The following FER variants were observed in gnomAD, a reference collection of about 807,000 sequenced individuals.
FER encodes tyrosine-protein kinase Fer.
A neutral mutation model predicts 111.0 loss-of-function variants in FER; 63 were observed. The observed-to-expected ratio is 0.57, with a 90% CI of 0.46 to 0.70. The LOEUF is 0.70. FER is among the 30% of genes least tolerant of loss of function. FER has a pLI of 0.00. For synonymous variants in FER, 327 were observed against 313.9 expected, an observed-to-expected ratio of 1.04 and a Z score of -0.44; for missense variants, 914 against 954.0, an observed-to-expected ratio of 0.96 and a Z score of 0.55.
chr5:109,183,773 TG>T (rs987556968), intron 18 of FER, among the ~76,000 whole-genome samples: 4 of 151,788 alleles, frequency 2.6e-5, no homozygotes, highest in Non-Finnish European at 1.5e-5. Flanking sequence ...TCAAGAAAAG[TG>T]GGGGGTGGGG....
chr5:108,852,993 G>A (rs1762674022), intron 5 of FER, among the ~76,000 whole-genome samples: 1 of 151,936 alleles, frequency 6.6e-6, no homozygotes, highest in Non-Finnish European at 1.5e-5. Flanking sequence ...AGTAAACAAA[G>A]CTAAGTTCTA....
intron 1 of FER, among the ~76,000 whole-genome samples, chr5:108,764,852 T>G (rs1240862253): frequency 1.3e-5 from 2 of 152,198 alleles, no homozygotes; most frequent in African/African-American, 4.8e-5. Flanking sequence ...GAGCCAGGAC[T>G]AGGGTAAGGC....
chr5:109,037,417 T>C lies in FER; in HGVS notation c.1657-5T>C. On this transcript the variant is annotated splice_region_variant and splice_polypyrimidine_tract_variant and intron_variant, in intron 13 of 19. Transcript: ENST00000281092. ...CTAAACAACTGTTCTTATTCTTTGCTGTAGGACAAGAAATGGATTCTCAGT... is the reference window on the plus strand; with the variant it reads ...CTAAACAACTGTTCTTATTCTTTGCCGTAGGACAAGAAATGGATTCTCAGT... The C allele has an allele frequency of 6.2e-7, 1 of 1,610,986 alleles. No homozygotes were observed.
chr5:108,848,735 A>C (rs999128472), intron 5 of FER, among the ~76,000 whole-genome samples: 1 of 152,012 alleles, frequency 6.6e-6, no homozygotes, highest in African/African-American at 2.4e-5. Context: ...TATTTCATAT[A>C]TTTATCCAAG....
chr5:108,788,549 C>A (rs1472524354), intron 2 of FER, among the ~76,000 whole-genome samples: 5 of 138,402 alleles, frequency 3.6e-5, no homozygotes, highest in African/African-American at 1.4e-4. Flanking sequence ...TTTTTTTTTC[C>A]CTCCTGATGC....
At chr5:108,962,421 G>A (rs1171321648) in intron 13 of FER, among the ~76,000 whole-genome samples, 1 of 152,114 alleles carries the variant, frequency 6.6e-6, no homozygotes, top group East Asian at 1.9e-4. Context: ...AACACATCAA[G>A]CCCTTTTGCT....
At chr5:108,869,694 A>G (rs981432781) in intron 6 of FER, among the ~76,000 whole-genome samples, 1 of 152,120 alleles carries the variant, frequency 6.6e-6, no homozygotes, top group Non-Finnish European at 1.5e-5. Flanking sequence ...TCTGTTTTAC[A>G]TACAAATATT....
At chr5:108,912,255 A>C (rs1288716634) in intron 10 of FER, among the ~76,000 whole-genome samples, 1 of 152,224 alleles carries the variant, frequency 6.6e-6, no homozygotes, top group African/African-American at 2.4e-5. Context: ...ATTTAAAGTC[A>C]GGTAATATGA....
Position 109,022,369 on chromosome 5 carries a change from C to T in FER, c.1657-15053C>T, listed in dbSNP as rs559333824. On this transcript the variant is annotated intron_variant, in intron 13 of 19. Transcript: ENST00000281092. ...ACCACATACTAGGCTACATGAGGAGCATAAAGGAACCAGGAATGGGAAGAG... is the reference window on the plus strand; with the variant it reads ...ACCACATACTAGGCTACATGAGGAGTATAAAGGAACCAGGAATGGGAAGAG... 4.6e-5 allele frequency among the ~76,000 whole-genome samples: 7 copies of T among 152,042 alleles called. No homozygotes were observed. The South Asian group carries it at 1.5e-3, about 32-fold the overall frequency.
At chr5:109,121,261 A>G (rs187707952) in intron 17 of FER, among the ~76,000 whole-genome samples, 118 of 152,222 alleles carry the variant, frequency 7.8e-4, no homozygotes, top group South Asian at 2.7e-3. Context: ...ATGTTGAGGT[A>G]TGTTTCTTCT....
At chr5:108,823,087 G>C (rs957018264) in intron 3 of FER, among the ~76,000 whole-genome samples, 1 of 152,184 alleles carries the variant, frequency 6.6e-6, no homozygotes, top group African/African-American at 2.4e-5. Context: ...GGCCAGGCTT[G>C]GACTTCTGAC....
intron 5 of FER, among the ~76,000 whole-genome samples, chr5:108,843,858 T>G (rs542868259): frequency 1.7e-4 from 26 of 152,186 alleles, no homozygotes; most frequent in Non-Finnish European, 3.4e-4. Context: ...ATCAAATTTT[T>G]ACCTAATTAA....
rs111617492 is a variant in FER, at chr5:109,148,325, T to C, written c.2049-32422T>C. On this transcript the variant is annotated intron_variant, in intron 17 of 19. Transcript: ENST00000281092. ...ACTTTAAGCATAAGTCTCATAAATT[T>C]GGTTTTCAGGTTCTCATAGATTTTA... is the stretch of plus-strand genomic sequence containing the variant. Among the ~76,000 whole-genome samples the C allele has an allele frequency of 4.7e-3, 719 of 152,262 alleles. 3 individuals carry two copies. Among genetic ancestry groups the C allele is most frequent in the South Asian group, 6.6e-3 (32 of 4,828 alleles).
At chr5:108,997,975 A>C (rs150206711) in intron 13 of FER, among the ~76,000 whole-genome samples, 1,782 of 151,876 alleles carry the variant, frequency 0.012, 17 homozygotes, top group Non-Finnish European at 0.02. Flanking sequence ...AATGGTGGAC[A>C]CCTTACCCCA....
rs963962979 is a variant in FER, at chr5:109,189,114, T to C, written c.*1539T>C. ...CAAGCAGAGTGCTGAAGATGTCTCA[T>C]GTGAATAAAATGTAACTCACTCACT... On this transcript the variant is annotated 3_prime_UTR_variant, in exon 20 of 20. Transcript: ENST00000281092. The C allele has an allele frequency of 6.6e-6, 1 of 152,246 alleles. No individual in the cohort carries two copies. Among genetic ancestry groups the C allele is most frequent in the South Asian group, 2.1e-4 (1 of 4,834 alleles). 9.4% of individuals were successfully genotyped at this position (152,246 alleles called of 1,614,324 possible). A position where few individuals can be genotyped will look rare whatever the true frequency, so the allele number is the denominator to read the frequency against.
intron 13 of FER, among the ~76,000 whole-genome samples, chr5:109,001,580 G>C (rs942519769): frequency 2.0e-5 from 3 of 152,116 alleles, no homozygotes; most frequent in East Asian, 1.9e-4. Context: ...GCACAAGACA[G>C]GGATGCCCTC....
At chr5:108,867,477 C>T (rs1764181108) in intron 5 of FER, among the ~76,000 whole-genome samples, 1 of 152,012 alleles carries the variant, frequency 6.6e-6, no homozygotes, top group South Asian at 2.1e-4. Flanking sequence ...TTGGTATAAG[C>T]TTCTTGAAGA....
At position 109,194,369 on chromosome 5, in the gene FER, C is replaced by T. The variant is rs1047752084; in HGVS notation, c.*6794C>T. The T allele has an allele frequency of 3.9e-5, 6 of 152,142 alleles. No individual in the cohort carries two copies. Among genetic ancestry groups the T allele is most frequent in the Admixed American group, 3.9e-4 (6 of 15,268 alleles). The allele number at this position is 152,142 out of a possible 1,614,324, so 9.4% of individuals were successfully genotyped here. Reference sequence around the variant, plus strand: ...AAGTCATTCTACCTAGAAATACAGACCCCAGAGCACATTGCATGAAAATAC... The same window carrying T: ...AAGTCATTCTACCTAGAAATACAGATCCCAGAGCACATTGCATGAAAATAC... On this transcript the variant is annotated 3_prime_UTR_variant, in exon 20 of 20. Transcript: ENST00000281092.
chr5:108,840,387 A>AT (rs1554075690), intron 5 of FER, among the ~76,000 whole-genome samples: 3 of 151,984 alleles, frequency 2.0e-5, no homozygotes, highest in Non-Finnish European at 4.4e-5. Flanking sequence ...AATAGTTTTT[A>AT]TTTTTTTCTG....
Sources: allele counts gnomAD v4.1 joint callset (sites outside exome capture counted in the v4.1 genomes callset), GRCh38; gene constraint gnomAD v4.1.1; transcripts MANE v1.5; gene names NCBI Gene and HGNC (gene_info 2026-07-23, HGNC 2026-07-21).